Variants in ALG1 observed in about 807,000 individuals in gnomAD.
The protein encoded by ALG1 is chitobiosyldiphosphodolichol beta-mannosyltransferase.
A neutral mutation model predicts 55.1 loss-of-function variants in ALG1; 58 were observed. That is an observed-to-expected ratio of 1.05 (90% CI 0.85 to 1.31). The LOEUF is 1.31. ALG1 is among the 50% of genes most tolerant of loss of function. ALG1 has a pLI of 0.00. For synonymous variants in ALG1, 309 were observed against 247.0 expected, an observed-to-expected ratio of 1.25 and a Z score of -2.35; for missense variants, 761 against 598.6, an observed-to-expected ratio of 1.27 and a Z score of -2.83.
intron 10 of ALG1, among the ~76,000 whole-genome samples, chr16:5,082,310 C>T (rs1427066676): frequency 6.6e-6 from 1 of 150,674 alleles, no homozygotes; most frequent in African/African-American, 2.4e-5. Flanking sequence ...GAGACTCTGT[C>T]TCAAAACAAA....
chr16:5,081,042 AC>A lies in ALG1; in HGVS notation c.1063del (p.Leu355CysfsTer3), dbSNP rs758259853. On this transcript the variant is annotated frameshift_variant, in exon 10 of 13. Transcript: ENST00000262374. LOFTEE classifies it high-confidence loss of function. Reference protein sequence around the residue: ...VCTPWLEAEDYPLLLGSADLG... With the variant: ...VCTPWLEAEDXPLLLGSADLG... ...ACCCCCTGGCTGGAGGCCGAGGACT[AC>A]CCCCTGCTTCTAGGTGAGAGGCCAG... 7.2e-7 allele frequency: 1 copy of A among 1,397,656 alleles called. No homozygotes were observed. The allele number at this position is 1,397,656 out of a possible 1,614,324, so 86.6% of individuals were successfully genotyped here.
At chr16:5,082,028 G>A (rs182471812) in intron 10 of ALG1, among the ~76,000 whole-genome samples, 3 of 151,342 alleles carry the variant, frequency 2.0e-5, no homozygotes, top group Admixed American at 6.6e-5. Context: ...CGCAACCTCC[G>A]CCTTCCCGGG....
In ALG1 at chr16:5,084,852, A is replaced by C; in HGVS notation, c.1366A>C (p.Thr456Pro). The change falls in exon 13 of 13, where the codon ACT (threonine) becomes CCT (proline). Residue 456 changes from threonine (T) to proline (P), a missense_variant. Transcript: ENST00000262374. ...CCGATGGGATGAGAGCTGGGTGCAGACTGTGCTCCCTTTGGTTATGGACAC... is the reference window on the plus strand; with the variant it reads ...CCGATGGGATGAGAGCTGGGTGCAGCCTGTGCTCCCTTTGGTTATGGACAC... ...QLRWDESWVQ[T>P]VLPLVMDT The C allele has an allele frequency of 1.3e-6, 2 of 1,596,436 alleles. No homozygotes were observed. Among genetic ancestry groups the C allele is most frequent in the Non-Finnish European group, 1.7e-6 (2 of 1,179,784 alleles).
At position 5,082,648 on chromosome 16, in the gene ALG1, C is replaced by T. The variant is rs398124349; in HGVS notation, c.1162C>T (p.Pro388Ser). Residue 388 changes from proline to serine, a missense_variant, in exon 11 of 13, where the codon CCT (proline) becomes TCT (serine). Transcript: ENST00000262374. ...KVVDMFGCCL[P>S]VCAVNFKCLH... ...GGTGGACATGTTCGGGTGCTGTTTG[C>T]CTGTGTGTGCTGTGAACTTCAAGTG... 1.2e-6 allele frequency: 2 copies of T among 1,611,758 alleles called. No homozygotes were observed. The highest frequency in any genetic ancestry group is 1.7e-6 in the Non-Finnish European group (2 of 1,179,826).
At position 5,072,949 on chromosome 16, in the gene ALG1, A is replaced by T. The variant is rs774618681; in HGVS notation, c.209-2A>T. 1 of 1,613,976 alleles carries T rather than the reference A, an allele frequency of 6.2e-7. No individual in the cohort carries two copies. Among genetic ancestry groups the T allele is most frequent in the African/African-American group, 1.3e-5 (1 of 75,048 alleles). On this transcript the variant is annotated splice_acceptor_variant, in intron 1 of 12. Coordinates refer to ENST00000262374, the MANE Select transcript of ALG1 (RefSeq NM_019109.5). LOFTEE classifies it high-confidence loss of function. The stretch of plus-strand genomic sequence containing the variant: ...ATTAAAGGGATCATTCTCATTTTTC[A>T]GACTCCAAACCCCATGATGAGCTCT...
rs528056561 is a variant in ALG1 at position 5,078,482 on chromosome 16, G to A, written c.741-275G>A. On this transcript the variant is annotated intron_variant, in intron 6 of 12. Coordinates refer to ENST00000262374, the MANE Select transcript of ALG1 (RefSeq NM_019109.5). ...TGGGGTGGTGTGGGAGGGCGTCCCT[G>A]CACCCTCATCTTGAGTCCAGGGGAT... is the stretch of plus-strand genomic sequence containing the variant. 183 of 675,216 alleles carry A rather than the reference G, an allele frequency of 2.7e-4. 1 individual carries two copies. The highest frequency in any genetic ancestry group is 2.3e-3 in the Middle Eastern group (6 of 2,572). The allele number at this position is 675,216 out of a possible 1,614,324, so 41.8% of individuals were successfully genotyped here.
At position 5,084,799 on chromosome 16, in the gene ALG1, G is replaced by A. The variant is rs775607100; in HGVS notation, c.1313G>A (p.Arg438Gln). 16 of 1,596,338 alleles carry A rather than the reference G, an allele frequency of 1.0e-5. No individual in the cohort carries two copies. Among genetic ancestry groups the A allele is most frequent in the African/African-American group, 5.3e-5 (4 of 74,846 alleles). The change falls in exon 13 of 13, where the codon CGG (arginine) becomes CAG (glutamine). Residue 438 changes from arginine (R) to glutamine (Q), a missense_variant. By Grantham distance (43) the Arg-to-Gln change is conservative. Coordinates refer to ENST00000262374, the MANE Select transcript of ALG1 (RefSeq NM_019109.5). ...PDPAGKLNQF[R>Q]KNLRESQQLR... is the part of the protein sequence containing the mutation. The stretch of plus-strand genomic sequence containing the variant: ...CCTGCGGGCAAGCTAAACCAGTTCC[G>A]GAAGAACCTGCGGGAGTCGCAGCAG...
At chr16:5,083,567 G>C in intron 11 of ALG1, 115 bp from the exon 12 acceptor site, 3 of 1,572,634 alleles carry the variant, frequency 1.9e-6, no homozygotes, top group Non-Finnish European at 2.6e-6. Flanking sequence ...CACACCCCCT[G>C]TTCCAACCCC....
Position 5,077,548 on chromosome 16 carries a change from G to C in ALG1, c.629+14G>C. ...CTGGCACATCAGGTACCATGGCCTG[G>C]GATGACGGCGGCCTGGGAGAGGCGC... On this transcript the variant is annotated intron_variant, in intron 5 of 12. Transcript: ENST00000262374. 6.2e-7 allele frequency: 1 copy of C among 1,613,758 alleles called. No homozygotes were observed. Among genetic ancestry groups the C allele is most frequent in the South Asian group, 1.1e-5 (1 of 91,070 alleles).
chr16:5,080,748 G>A (rs1178809251), intron 9 of ALG1, among the ~76,000 whole-genome samples, 198 bp from the exon 10 acceptor site: 2 of 152,230 alleles, frequency 1.3e-5, no homozygotes, highest in Non-Finnish European at 2.9e-5. Context: ...ATGCGTCAGG[G>A]GTCAGGGTGC....
intron 1 of ALG1, 182 bp downstream of exon 1, chr16:5,072,239 T>TA (rs1245597646): frequency 1.3e-6 from 2 of 1,505,602 alleles, no homozygotes; most frequent in African/African-American, 2.8e-5. Context: ...TAGCCGGCGT[T>TA]AATCTTGCCA....
Position 5,085,763 on chromosome 16 carries a change from G to A in ALG1, c.*882G>A, listed in dbSNP as rs778492820. On this transcript the variant is annotated 3_prime_UTR_variant, in exon 13 of 13. Transcript: ENST00000262374. ...AACAGAGCACATGTGTTTGAGGATG[G>A]CGGTGTTTGGGGACAGGACATGAGG... The A allele has an allele frequency of 3.9e-6, 6 of 1,541,596 alleles. No homozygotes were observed. In the East Asian group the frequency reaches 1.3e-4, roughly 35 times the overall value.
intron 4 of ALG1, among the ~76,000 whole-genome samples, chr16:5,076,106 G>A (rs759983028): frequency 6.6e-6 from 1 of 152,208 alleles, no homozygotes; most frequent in Non-Finnish European, 1.5e-5. Context: ...GGGAAGAAGG[G>A]CCAGTGGTAG....
At position 5,079,110 on chromosome 16, in the gene ALG1, TG is replaced by T. The variant is rs1266180264; in HGVS notation, c.901+9del. ...TGCTGGCAGCTTTAGAAAGTAGGTG[TG>T]TGGCTGCGGTGAGGAGCTCTGGGCT... On this transcript the variant is annotated intron_variant, in intron 8 of 12. Transcript: ENST00000262374. 1.9e-6 allele frequency: 3 copies of T among 1,596,208 alleles called. No individual in the cohort carries two copies. The East Asian group carries it at 6.7e-5, about 36-fold the overall frequency.
Position 5,072,015 on chromosome 16 carries a change from T to C in ALG1, c.166T>C (p.Leu56=), listed in dbSNP as rs1427445037. The C allele has an allele frequency of 1.3e-6, 2 of 1,597,760 alleles. No individual in the cohort carries two copies. The highest frequency in any genetic ancestry group is 1.3e-5 in the African/African-American group (1 of 74,618). The change falls in exon 1 of 13, where the codon TTG becomes CTG. Residue 56 remains leucine, a synonymous_variant. Transcript: ENST00000262374. ...SPRMQYHALS[L]AMHGFSVTLL... is the part of the protein sequence containing the mutation. ...CCGTATGCAGTACCACGCGCTGTCG[T>C]TGGCCATGCACGGCTTCTCGGTGAC...
chr16:5,077,558 G>A (rs367922785), intron 5 of ALG1, 24 bp downstream of exon 5: 51 of 1,612,804 alleles, frequency 3.2e-5, no homozygotes, highest in African/African-American at 2.4e-4. Context: ...GGATGACGGC[G>A]GCCTGGGAGA....
In ALG1 at chr16:5,071,882, G is replaced by T. The variant is rs991555413; in HGVS notation, c.33G>T (p.Leu11=). Reference sequence around the variant, plus strand: ...CCTCATGCTTGGTCCTGCTGGCGCTGTGTCTGCTGCTGCCGCTGCTGCTGC... The same window carrying T: ...CCTCATGCTTGGTCCTGCTGGCGCTTTGTCTGCTGCTGCCGCTGCTGCTGC... MAASCLVLLA[L]CLLLPLLLLG... The change falls in exon 1 of 13, where the codon CTG becomes CTT. Residue 11 remains leucine (L), a synonymous_variant. Coordinates refer to ENST00000262374, the MANE Select transcript of ALG1 (RefSeq NM_019109.5). 8.7e-6 allele frequency: 14 copies of T among 1,603,696 alleles called. No individual in the cohort carries two copies. Among genetic ancestry groups the T allele is most frequent in the East Asian group, 2.2e-5 (1 of 44,538 alleles).
chr16:5,071,869 T>C lies in ALG1; in HGVS notation c.20T>C (p.Val7Ala). The change falls in exon 1 of 13, where the codon GTC becomes GCC. Residue 7 changes from valine (V) to alanine (A), a missense_variant. By Grantham distance (64) the Val-to-Ala change is moderately conservative (BLOSUM62 0). Coordinates refer to ENST00000262374, the MANE Select transcript of ALG1 (RefSeq NM_019109.5). Reference sequence around the variant, plus strand: ...GCCAAGATGGCGGCCTCATGCTTGGTCCTGCTGGCGCTGTGTCTGCTGCTG... The same window carrying C: ...GCCAAGATGGCGGCCTCATGCTTGGCCCTGCTGGCGCTGTGTCTGCTGCTG... MAASCL[V>A]LLALCLLLPL... is the part of the protein sequence containing the mutation. 3 of 1,605,128 alleles carry C rather than the reference T, an allele frequency of 1.9e-6. No individual in the cohort carries two copies. The highest frequency in any genetic ancestry group is 2.5e-6 in the Non-Finnish European group (3 of 1,178,430).
chr16:5,074,605 T>C (rs1309188676), intron 3 of ALG1, among the ~76,000 whole-genome samples: 1 of 152,256 alleles, frequency 6.6e-6, no homozygotes, highest in Admixed American at 6.5e-5. Context: ...ATGCCTTTTG[T>C]ATAAGTCCAG....
Sources: allele counts gnomAD v4.1 joint callset (sites outside exome capture counted in the v4.1 genomes callset), GRCh38; gene constraint gnomAD v4.1.1; transcripts MANE v1.5; gene names NCBI Gene and HGNC (gene_info 2026-07-23, HGNC 2026-07-21).